Variants in PPP2R5C observed in about 807,000 individuals in gnomAD.
PPP2R5C encodes the protein serine/threonine-protein phosphatase 2A 56 kDa regulatory subunit gamma isoform.
In PPP2R5C, 7 loss-of-function variants were observed where a neutral mutation model predicts 68.9. That is an observed-to-expected ratio of 0.10 (90% CI 0.06 to 0.19). PPP2R5C has a LOEUF of 0.19. PPP2R5C is among the 10% of genes least tolerant of loss of function. PPP2R5C has a pLI of 1.00. For missense variants in PPP2R5C, 348 were observed against 641.3 expected, an observed-to-expected ratio of 0.54 and a Z score of 4.94; for synonymous variants, 210 against 222.2, an observed-to-expected ratio of 0.95 and a Z score of 0.49.
At chr14:101,762,054 G>A in intron 1 of PPP2R5C, 134 bp downstream of exon 1, 1 of 965,146 alleles carries the variant, frequency 1.0e-6, no homozygotes, top group Non-Finnish European at 1.3e-6. Context: ...CGTCCCCGAG[G>A]GCGGCCGAGC....
Position 101,797,343 on chromosome 14 carries a change from CCA to C in PPP2R5C, c.259+11167_259+11168del, listed in dbSNP as rs1368315407. 3.5e-5 allele frequency: 16 copies of C among 455,506 alleles called. No homozygotes were observed. In the East Asian group the frequency reaches 9.0e-4, roughly 26 times the overall value. The allele number at this position is 455,506 out of a possible 1,614,324, so 28.2% of individuals were successfully genotyped here. On this transcript the variant is annotated intron_variant, in intron 3 of 14. Coordinates refer to the PPP2R5C transcript ENST00000328724. This position sits in a 1 kb window ranked among gnomAD's most constrained non-coding sequence, Gnocchi z 4.2. ...ATGGACGCGTGGGTTGCAGAGCACG[CCA>C]CACACATTCAGTCAGTACACGAGTT... is the stretch of plus-strand genomic sequence containing the variant.
exon 9 of PPP2R5C, chr14:101,901,736 C>T (rs960196470): frequency 1.2e-6 from 2 of 1,613,670 alleles, no homozygotes; most frequent in Non-Finnish European, 1.7e-6. Context: ...TGGCACTTCT[C>T]AAATACTGGC....
chr14:101,910,812 A>C (rs998155081), intron 11 of PPP2R5C, among the ~76,000 whole-genome samples: 1 of 145,976 alleles, frequency 6.9e-6, no homozygotes, highest in Non-Finnish European at 1.5e-5. Flanking sequence ...CTAAAAATAC[A>C]AAAAAAAAGG....
intron 2 of PPP2R5C, among the ~76,000 whole-genome samples, chr14:101,778,605 T>C (rs1202682869): frequency 6.6e-6 from 1 of 152,212 alleles, no homozygotes; most frequent in Non-Finnish European, 1.5e-5. Flanking sequence ...GGATCCACCT[T>C]TATTCTTGTC....
chr14:101,816,855 AATAT>A (rs1158840375), intron 1 of PPP2R5C, among the ~76,000 whole-genome samples: 108 of 143,932 alleles, frequency 7.5e-4, no homozygotes, highest in African/African-American at 2.5e-3. Flanking sequence ...GAGAGAAATA[AATAT>A]ATATATTTAT....
chr14:101,845,876 G>A (rs2041797088), intron 1 of PPP2R5C, among the ~76,000 whole-genome samples: 1 of 152,168 alleles, frequency 6.6e-6, no homozygotes, highest in Non-Finnish European at 1.5e-5. Flanking sequence ...GTGAGCCATG[G>A]GTTGTCTCTA....
At chr14:101,900,981 T>C (rs1162556027) in intron 8 of PPP2R5C, among the ~76,000 whole-genome samples, 1 of 152,240 alleles carries the variant, frequency 6.6e-6, no homozygotes, top group Non-Finnish European at 1.5e-5. Context: ...GGAGGTCCCA[T>C]CGCAGTACCT....
intron 13 of PPP2R5C, among the ~76,000 whole-genome samples, chr14:101,924,457 TGA>T (rs1230565866): frequency 7.0e-6 from 1 of 142,430 alleles, no homozygotes; most frequent in Non-Finnish European, 1.5e-5. Context: ...TTTTTTTTTT[TGA>T]GATGGAGTCT....
At chr14:101,894,662 C>A in intron 8 of PPP2R5C, 102 bp downstream of exon 10, 1 of 1,122,550 alleles carries the variant, frequency 8.9e-7, no homozygotes, top group Non-Finnish European at 1.3e-6. Context: ...CAGACTTTTT[C>A]ATCTTAAATT....
upstream of PPP2R5C, chr14:101,809,709 A>T: frequency 1.3e-6 from 1 of 795,412 alleles, no homozygotes; most frequent in Non-Finnish European, 1.7e-6. Context: ...AAAATATCCC[A>T]GCTTTTAAGG....
At chr14:101,838,226 G>T (rs1237097585) in intron 1 of PPP2R5C, among the ~76,000 whole-genome samples, 1 of 152,210 alleles carries the variant, frequency 6.6e-6, no homozygotes, top group East Asian at 1.9e-4. Context: ...GAAGCGGGGA[G>T]AGTAAAGACA....
intron 3 of PPP2R5C, among the ~76,000 whole-genome samples, chr14:101,798,765 C>T (rs930145689): frequency 2.6e-5 from 4 of 152,180 alleles, no homozygotes; most frequent in African/African-American, 4.8e-5. Context: ...GGTCCTTGCT[C>T]AAGCCCTTCA....
At chr14:101,796,912 T>A (rs2038638703) in intron 3 of PPP2R5C, 25 of 289,318 alleles carry the variant, frequency 8.6e-5, no homozygotes, top group South Asian at 1.2e-4. Flanking sequence ...AAAAAAAAAA[T>A]TTAAAAACTG....
At chr14:101,920,059 G>C (rs987601800) in intron 13 of PPP2R5C, among the ~76,000 whole-genome samples, 8 of 151,098 alleles carry the variant, frequency 5.3e-5, no homozygotes, top group African/African-American at 2.0e-4. Context: ...CTTTGACTTA[G>C]GTCAGAATTA....
At chr14:101,924,195 G>T (rs897184844) in intron 13 of PPP2R5C, among the ~76,000 whole-genome samples, 1 of 152,036 alleles carries the variant, frequency 6.6e-6, no homozygotes, top group East Asian at 1.9e-4. Context: ...CATGGAAATG[G>T]ATGCTTTTGA....
intron 1 of PPP2R5C, chr14:101,820,360 G>A (rs1042615589): frequency 6.6e-6 from 1 of 152,158 alleles, no homozygotes; most frequent in South Asian, 2.1e-4. Flanking sequence ...GGGGTTTCTT[G>A]ATGTATACGG....
chr14:101,889,511 T>A (rs766710137), intron 5 of PPP2R5C, among the ~76,000 whole-genome samples: 3 of 152,196 alleles, frequency 2.0e-5, no homozygotes, highest in Admixed American at 6.5e-5. Context: ...GGGAACATAG[T>A]CACGAGAAGT....
At chr14:101,862,694 C>G (rs780277935) in intron 2 of PPP2R5C, among the ~76,000 whole-genome samples, 1 of 151,966 alleles carries the variant, frequency 6.6e-6, no homozygotes, top group African/African-American at 2.4e-5. Flanking sequence ...TAGCATTTTT[C>G]TATTAAAACA....
chr14:101,854,281 A>G (rs1254095690), intron 1 of PPP2R5C, among the ~76,000 whole-genome samples: 1 of 152,086 alleles, frequency 6.6e-6, no homozygotes, highest in African/African-American at 2.4e-5. Context: ...AAACAGGGAA[A>G]CCGTAGCTTC....
Sources: allele counts gnomAD v4.1 joint callset (sites outside exome capture counted in the v4.1 genomes callset), GRCh38; gene constraint gnomAD v4.1.1; non-coding constraint Gnocchi (gnomAD v3.1); transcripts MANE v1.5; gene names NCBI Gene and HGNC (gene_info 2026-07-23, HGNC 2026-07-21).